The following ZAN variants were observed in gnomAD, a reference collection of about 807,000 sequenced individuals.
ZAN encodes the protein zonadhesin, also known as zonadhesin (gene/pseudogene).
A neutral mutation model predicts 286.2 loss-of-function variants in ZAN; 260 were observed. The ratio of observed to expected loss-of-function variants is 0.91; its 90% CI spans 0.82 to 1.01. The LOEUF is 1.01. ZAN is among the 50% of genes least tolerant of loss of function. ZAN has a pLI of 0.00. For missense variants in ZAN, 3,410 were observed against 3,639.2 expected, an observed-to-expected ratio of 0.94 and a Z score of 1.62; for synonymous variants, 1,368 against 1,417.5, an observed-to-expected ratio of 0.97 and a Z score of 0.79.
chr7:100,785,223 CTTTTT>C (rs5886135), intron 36 of ZAN, among the ~76,000 whole-genome samples: 5 of 87,524 alleles, frequency 5.7e-5, no homozygotes, highest in Admixed American at 1.4e-4. Context: ...AACACAGTGC[CTTTTT>C]TTTTTTTTTT....
At position 100,748,355 on chromosome 7, in the gene ZAN, C is replaced by T. The variant is rs200460391; in HGVS notation, c.1134C>T (p.Asn378=). The T allele has an allele frequency of 1.3e-3, 2,020 of 1,613,978 alleles. 13 individuals are homozygous for T. In the Middle Eastern group the frequency reaches 0.022, roughly 18 times the overall value. The part of the protein sequence containing the change: ...EGFPQCDFED[N]AHPFCDWVQT... The stretch of plus-strand genomic sequence containing the variant: ...TTCCTCAGTGTGACTTTGAAGACAA[C>T]GCCCATCCCTTCTGTGACTGGGTCC... Residue 378 remains asparagine, a synonymous_variant, in exon 11 of 48, where the codon AAC becomes AAT. Transcript: ENST00000613979.
At chr7:100,756,925 C>T (rs184575266) in intron 15 of ZAN, among the ~76,000 whole-genome samples, 36 of 152,192 alleles carry the variant, frequency 2.4e-4, no homozygotes, top group African/African-American at 7.2e-4. Context: ...TGCGCCACCA[C>T]GCCCAGCTAA....
Position 100,791,000 on chromosome 7 carries a change from C to T in ZAN, c.7416C>T (p.Asp2472=), listed in dbSNP as rs776961999. Residue 2472 remains aspartate, a synonymous_variant, in exon 40 of 48, where the codon GAC becomes GAT. Coordinates refer to ENST00000613979, the MANE Select transcript of ZAN (RefSeq NM_003386.3). ...GLVSGLCGNY[D]KNRKNDMMLP... ...TGAGTGGCCTGTGCGGAAACTACGA[C>T]AAGAACCGCAAGAATGACATGATGC... The T allele has an allele frequency of 6.2e-7, 1 of 1,611,970 alleles. No individual in the cohort carries two copies. Among genetic ancestry groups the T allele is most frequent in the Admixed American group, 1.7e-5 (1 of 59,678 alleles).
chr7:100,755,210 G>T lies in ZAN; in HGVS notation c.3125-16G>T, dbSNP rs771773735. The T allele has an allele frequency of 1.2e-5, 19 of 1,600,698 alleles. No homozygotes were observed. In the Admixed American group the frequency reaches 3.3e-4, roughly 28 times the overall value. The stretch of plus-strand genomic sequence containing the variant: ...GCCATGGAATGAAAGCATGACAGAG[G>T]CTGTTTTCCCCTTAGAGCGCTGCCC... On this transcript the variant is annotated splice_polypyrimidine_tract_variant and intron_variant, in intron 14 of 47. Transcript: ENST00000613979.
chr7:100,753,084 C>A lies in ZAN; in HGVS notation c.2979C>A (p.Pro993=). Residue 993 remains proline (P), a synonymous_variant, in exon 14 of 48, where the codon CCC becomes CCA. Transcript: ENST00000613979. The stretch of plus-strand genomic sequence containing the variant: ...TCCCCACAGAAAAACCCACCATTCC[C>A]ACAGAGAAGCTCACAGCCCTGAGGC... ...PTIPTEKPTI[P]TEKLTALRPP... 1.2e-6 allele frequency: 2 copies of A among 1,614,030 alleles called. No individual in the cohort carries two copies. Among genetic ancestry groups the A allele is most frequent in the Non-Finnish European group, 1.7e-6 (2 of 1,179,902 alleles).
Position 100,772,869 on chromosome 7 carries a change from TG to T in ZAN, c.5426-415del, listed in dbSNP as rs1242411063. 2.7e-4 allele frequency among the ~76,000 whole-genome samples: 39 copies of T among 145,028 alleles called. No individual in the cohort carries two copies. The South Asian group carries it at 3.5e-3, about 13-fold the overall frequency. ...GTAGATTTTATGTCTGTTTTTTTTTTGTTTGTTTTTTTTTTTTTTTGCTTTT... is the reference window on the plus strand; with the variant it reads ...GTAGATTTTATGTCTGTTTTTTTTTTTTTGTTTTTTTTTTTTTTTGCTTTT... On this transcript the variant is annotated intron_variant, in intron 29 of 47. Coordinates refer to ENST00000613979, the MANE Select transcript of ZAN (RefSeq NM_003386.3).
intron 33 of ZAN, 150 bp from the exon 34 acceptor site, chr7:100,776,290 G>T: frequency 8.5e-7 from 1 of 1,180,926 alleles, no homozygotes; most frequent in Non-Finnish European, 1.1e-6. Context: ...TGCACTCCAG[G>T]CTGGGTGACA....
At position 100,753,149 on chromosome 7, in the gene ZAN, T is replaced by C. The variant is rs1808900754; in HGVS notation, c.3044T>C (p.Leu1015Ser). 4.3e-6 allele frequency: 7 copies of C among 1,613,582 alleles called. No homozygotes were observed. Among genetic ancestry groups the C allele is most frequent in the Non-Finnish European group, 5.1e-6 (6 of 1,179,790 alleles). Residue 1015 changes from leucine (L) to serine (S), a missense_variant, in exon 14 of 48, where the codon TTG becomes TCG. Coordinates refer to ENST00000613979, the MANE Select transcript of ZAN (RefSeq NM_003386.3). ...PSPTATGLAA[L>S]VMSPHAPSTP... ...CCCACAGCCACTGGGCTGGCAGCCT[T>C]GGTGATGTCTCCACATGCTCCAAGT... is the stretch of plus-strand genomic sequence containing the variant.
intron 30 of ZAN, 61 bp from the exon 31 acceptor site, chr7:100,773,660 G>A: frequency 6.4e-7 from 1 of 1,571,726 alleles, no homozygotes; most frequent in Non-Finnish European, 8.6e-7. Flanking sequence ...TTCAACTGGG[G>A]CGTTGGCCCA....
chr7:100,765,279 G>T, intron 22 of ZAN, 73 bp from the exon 23 acceptor site: 2 of 1,515,164 alleles, frequency 1.3e-6, no homozygotes, highest in Non-Finnish European at 1.8e-6. Context: ...CCTTCCGAAC[G>T]TGTCCTTCCT....
chr7:100,770,863 G>A (rs1810325964), intron 28 of ZAN, among the ~76,000 whole-genome samples: 1 of 151,884 alleles, frequency 6.6e-6, no homozygotes. Flanking sequence ...GAGTGCAATG[G>A]TGTGATCTCA....
rs768872287 is a variant in ZAN, at chr7:100,751,827, A to G, written c.1722A>G (p.Ile574Met). 20 of 1,613,752 alleles carry G rather than the reference A, an allele frequency of 1.2e-5. No individual in the cohort carries two copies. The highest frequency in any genetic ancestry group is 1.6e-5 in the Non-Finnish European group (19 of 1,179,832). The stretch of plus-strand genomic sequence containing the variant: ...CCACCAAGAAACCTACAGTTTCCAT[A>G]GAAAAACCCAGTGTCACCACAGAAA... ...TISTKKPTVS[I>M]EKPSVTTEKP... is the part of the protein sequence containing the mutation. The change falls in exon 14 of 48, where the codon ATA (isoleucine) becomes ATG (methionine). Residue 574 changes from isoleucine to methionine, a missense_variant. Physicochemically the swap from Ile to Met is conservative, Grantham distance 10 (BLOSUM62 1). Around this residue, in one of 7 missense-constraint regions of ZAN, gnomAD observed 872 missense variants for 938.9 expected, o/e 0.93. Coordinates refer to ENST00000613979, the MANE Select transcript of ZAN (RefSeq NM_003386.3).
chr7:100,786,186 C>A, intron 37 of ZAN, 45 bp downstream of exon 37: 2 of 1,609,628 alleles, frequency 1.2e-6, no homozygotes, highest in Non-Finnish European at 8.5e-7. Flanking sequence ...GCACCTGTGG[C>A]CAGGGCGGAG....
intron 39 of ZAN, 142 bp from the exon 40 acceptor site, chr7:100,790,800 T>C: frequency 1.1e-6 from 1 of 902,752 alleles, no homozygotes; most frequent in Non-Finnish European, 1.6e-6. Context: ...TGGGAATTGC[T>C]TGAAACCAGG....
Position 100,768,649 on chromosome 7 carries a change from C to T in ZAN, c.5081C>T (p.Pro1694Leu). The T allele has an allele frequency of 6.2e-7, 1 of 1,610,950 alleles. No individual in the cohort carries two copies. Among genetic ancestry groups the T allele is most frequent in the Non-Finnish European group, 8.5e-7 (1 of 1,178,524 alleles). The change falls in exon 27 of 48, where the codon CCC (proline) becomes CTC (leucine). Residue 1694 changes from proline to leucine, a missense_variant. Transcript: ENST00000613979. ...NNNSLDDNLRPDRKLAGDSMQ... is the reference protein window; with the variant it reads ...NNNSLDDNLRLDRKLAGDSMQ... ...AACAGCTTGGATGACAACCTGCGCCCCGACAGAAAGCTTGCAGGCGATTCC... is the reference window on the plus strand; with the variant it reads ...AACAGCTTGGATGACAACCTGCGCCTCGACAGAAAGCTTGCAGGCGATTCC...
intron 27 of ZAN, 86 bp from the exon 28 acceptor site, chr7:100,769,794 G>T: frequency 1.6e-6 from 2 of 1,220,858 alleles, no homozygotes; most frequent in Non-Finnish European, 1.2e-6. Context: ...CGATCCTCCT[G>T]CCTTGGCTTC....
rs766922275 is a variant in ZAN, at chr7:100,738,276, G to A, written c.614-185G>A. Among the ~76,000 whole-genome samples the A allele has an allele frequency of 7.8e-5, 11 of 140,464 alleles. 2 individuals are homozygous for A. The highest frequency in any genetic ancestry group is 1.4e-4 in the Non-Finnish European group (9 of 62,884). 92.1% of individuals were successfully genotyped at this position (140,464 alleles called of 152,430 possible). A position where few individuals can be genotyped will look rare whatever the true frequency, so the allele number is the denominator to read the frequency against. ...CCAAGAACTTTTTAAAAATTAGCTC[G>A]GCATGGTGGCGCACACCTGTAGTCC... On this transcript the variant is annotated intron_variant, in intron 6 of 47. Coordinates refer to ENST00000613979, the MANE Select transcript of ZAN (RefSeq NM_003386.3).
intron 7 of ZAN, among the ~76,000 whole-genome samples, chr7:100,743,466 C>T (rs1807957889): frequency 1.3e-5 from 2 of 152,146 alleles, no homozygotes; most frequent in African/African-American, 2.4e-5. Flanking sequence ...TCTTAATCTT[C>T]TCACACAGCC....
intron 39 of ZAN, 147 bp downstream of exon 39, chr7:100,789,494 G>A (rs1811795687): frequency 7.7e-7 from 1 of 1,303,562 alleles, no homozygotes; most frequent in South Asian, 1.4e-5. Context: ...AGGAGGTGAG[G>A]TGAGACCAGG....
Sources: gnomAD v4.1 joint callset for allele counts (sites outside exome capture counted in the v4.1 genomes callset) on GRCh38, gnomAD v4.1.1 for gene constraint, gnomAD v4.1.1 regional missense constraint, MANE v1.5 for transcripts, NCBI Gene and HGNC (gene_info 2026-07-23, HGNC 2026-07-21) for gene names.